GLIS1: variants seen among roughly 807,000 people sequenced by gnomAD.
The protein encoded by GLIS1 is GLIS family zinc finger 1, also known as zinc finger protein GLIS1.
In GLIS1, 24 loss-of-function variants were observed where a neutral mutation model predicts 63.8. That is an observed-to-expected ratio of 0.38 (90% CI 0.27 to 0.53). The LOEUF (loss-of-function observed/expected upper bound fraction) is 0.53, where lower values mean the gene tolerates loss of function less well. Among genes scored for constraint, GLIS1 ranks in the 20% least tolerant of loss-of-function variants. The probability of loss-of-function intolerance (pLI) is 0.85; values close to 1 mark genes in which losing one functional copy is unlikely to be tolerated. For synonymous variants in GLIS1, 450 were observed against 482.5 expected, an observed-to-expected ratio of 0.93 and a Z score of 0.88; for missense variants, 1,036 against 1,074.1, an observed-to-expected ratio of 0.96 and a Z score of 0.50.
intron 2 of GLIS1, among the ~76,000 whole-genome samples, chr1:53,623,674 C>T (rs114280219): frequency 0.019 from 2,938 of 152,150 alleles, 92 homozygotes; most frequent in African/African-American, 0.067. Flanking sequence ...AAATTAGACA[C>T]GTTGCAAGAT....
chr1:53,589,655 C>T (rs1378737826), intron 4 of GLIS1, among the ~76,000 whole-genome samples: 2 of 152,102 alleles, frequency 1.3e-5, no homozygotes, highest in Non-Finnish European at 2.9e-5. Flanking sequence ...TGGAGAGGGG[C>T]GTAAGGAATG....
chr1:53,640,243 C>T (rs1645771611), intron 2 of GLIS1, among the ~76,000 whole-genome samples: 1 of 152,134 alleles, frequency 6.6e-6, no homozygotes, highest in African/African-American at 2.4e-5. Flanking sequence ...CACTACCTTG[C>T]CTTCCGGAGG....
chr1:53,617,044 CT>C (rs1056911418), intron 2 of GLIS1, among the ~76,000 whole-genome samples: 1 of 152,048 alleles, frequency 6.6e-6, no homozygotes, highest in African/African-American at 2.4e-5. Context: ...CTCTGCCCTC[CT>C]CCAGAGGGCC....
intron 4 of GLIS1, among the ~76,000 whole-genome samples, chr1:53,573,692 T>C (rs1028794984): frequency 1.3e-5 from 2 of 152,152 alleles, no homozygotes; most frequent in African/African-American, 4.8e-5. Context: ...AGACGTGGTG[T>C]GAGGAGCACG....
Position 53,690,851 on chromosome 1 carries a change from C to T in GLIS1, c.259+46955G>A, listed in dbSNP as rs143516061. 3.3e-4 allele frequency among the ~76,000 whole-genome samples: 51 copies of T among 152,260 alleles called. No homozygotes were observed. The East Asian group carries it at 9.3e-3, about 28-fold the overall frequency. ...GGAATAATAAAAACCAGGTGCCACTCCAACCGCTTTGCATAAATCTAGACA... is the reference window on the plus strand; with the variant it reads ...GGAATAATAAAAACCAGGTGCCACTTCAACCGCTTTGCATAAATCTAGACA... On this transcript the variant is annotated intron_variant, in intron 2 of 10. Coordinates refer to ENST00000628545, the MANE Select transcript of GLIS1 (RefSeq NM_001367484.1).
At chr1:53,669,780 A>G (rs766207052) in intron 2 of GLIS1, among the ~76,000 whole-genome samples, 5 of 152,126 alleles carry the variant, frequency 3.3e-5, no homozygotes, top group Admixed American at 6.5e-5. Flanking sequence ...GACAGGTCCA[A>G]CCCTTTGCTG....
chr1:53,552,645 T>C (rs1392315891), intron 4 of GLIS1, among the ~76,000 whole-genome samples: 1 of 152,092 alleles, frequency 6.6e-6, no homozygotes, highest in Non-Finnish European at 1.5e-5. Context: ...CCCTCCACCA[T>C]CCATCCTCCC....
intron 2 of GLIS1, among the ~76,000 whole-genome samples, chr1:53,688,053 C>A (rs1294574466): frequency 1.7e-5 from 2 of 119,206 alleles, no homozygotes; most frequent in Non-Finnish European, 3.9e-5. Context: ...GCTGAGGAAC[C>A]GGGGCTGCCT....
At position 53,516,697 on chromosome 1, in the gene GLIS1, C is replaced by T. The variant is rs1644356321; in HGVS notation, c.1727-1916G>A. The stretch of plus-strand genomic sequence containing the variant: ...GCGTGGTGGCATGCACCTGTAATCC[C>T]AGCTACTTGGGAGGCTGAGGCAGGA... On this transcript the variant is annotated intron_variant, in intron 7 of 10. Transcript: ENST00000628545. 5.3e-5 allele frequency among the ~76,000 whole-genome samples: 8 copies of T among 152,124 alleles called. 1 individual carries two copies. In the South Asian group the frequency reaches 1.7e-3, roughly 32 times the overall value.
At chr1:53,692,199 G>C (rs1053852871) in intron 2 of GLIS1, among the ~76,000 whole-genome samples, 2 of 152,050 alleles carry the variant, frequency 1.3e-5, no homozygotes, top group African/African-American at 4.8e-5. Flanking sequence ...AACTACTATA[G>C]AACAATAAAG....
chr1:53,585,847 T>G (rs1422394216), intron 4 of GLIS1, among the ~76,000 whole-genome samples: 2 of 152,240 alleles, frequency 1.3e-5, no homozygotes, highest in Non-Finnish European at 2.9e-5. Context: ...CAGAGCACTC[T>G]GCAGGTACAG....
chr1:53,659,361 G>A (rs1329819001), intron 2 of GLIS1, among the ~76,000 whole-genome samples: 1 of 152,190 alleles, frequency 6.6e-6, no homozygotes, highest in Non-Finnish European at 1.5e-5. Flanking sequence ...GCTGCCTAGA[G>A]AGGTAGTGAG....
At chr1:53,643,548 C>T (rs904036927) in intron 2 of GLIS1, among the ~76,000 whole-genome samples, 1 of 152,144 alleles carries the variant, frequency 6.6e-6, no homozygotes, top group African/African-American at 2.4e-5. Flanking sequence ...GGGGAGGGAG[C>T]AAGGAGGCAG....
In GLIS1 at chr1:53,514,764, T is replaced by G. The variant is rs1313529098; in HGVS notation, c.1744A>C (p.Ile582Leu). Residue 582 changes from isoleucine to leucine, a missense_variant, in exon 8 of 11, where the codon ATC becomes CTC. Physicochemically the swap from Ile to Leu is conservative, Grantham distance 5. Around this residue, in one of 3 missense-constraint regions of GLIS1, gnomAD observed 400 missense variants for 400.9 expected, o/e 1.00. Transcript: ENST00000628545. The part of the protein sequence containing the change: ...ELLPGVYPGS[I>L]TPHNGLASGL... Reference sequence around the variant, plus strand: ...GATGCAAGTCCGTTATGGGGGGTGATGGAGCCAGGATACACACCTGCAGGG... The same window carrying G: ...GATGCAAGTCCGTTATGGGGGGTGAGGGAGCCAGGATACACACCTGCAGGG... The G allele has an allele frequency of 6.2e-7, 1 of 1,600,232 alleles. No individual in the cohort carries two copies. The highest frequency in any genetic ancestry group is 1.3e-5 in the African/African-American group (1 of 74,744).
intron 5 of GLIS1, among the ~76,000 whole-genome samples, chr1:53,525,723 G>A (rs1296074005): frequency 6.6e-6 from 1 of 151,656 alleles, no homozygotes; most frequent in Non-Finnish European, 1.5e-5. Context: ...TGGCTCCCTG[G>A]TGCCCTACAG....
chr1:53,636,267 C>CA (rs1236129639), intron 2 of GLIS1, among the ~76,000 whole-genome samples: 1 of 152,080 alleles, frequency 6.6e-6, no homozygotes, highest in African/African-American at 2.4e-5. Flanking sequence ...CAGGTATATC[C>CA]AAGGAACTCA....
intron 2 of GLIS1, among the ~76,000 whole-genome samples, chr1:53,702,929 C>T (rs760091368): frequency 2.0e-5 from 3 of 152,170 alleles, no homozygotes; most frequent in East Asian, 1.9e-4. Context: ...TTCTCCTGTC[C>T]CCCAAAAGGC....
rs747050302 is a variant in GLIS1, at chr1:53,594,380, G to A, written c.1048C>T (p.Pro350Ser). The A allele has an allele frequency of 6.2e-7, 1 of 1,611,646 alleles. No individual in the cohort carries two copies. Among genetic ancestry groups the A allele is most frequent in the South Asian group, 1.1e-5 (1 of 90,994 alleles). Residue 350 changes from proline to serine, a missense_variant, in exon 4 of 11, where the codon CCT becomes TCT. Physicochemically the swap from Pro to Ser is moderately conservative, Grantham distance 74. Transcript: ENST00000628545. Reference sequence around the variant, plus strand: ...CCCAGGCCTCCAAGGCTTGGGCCAGGCGGCAACTGAGACAGGGGATAGGGG... The same window carrying A: ...CCCAGGCCTCCAAGGCTTGGGCCAGACGGCAACTGAGACAGGGGATAGGGG... ...PPPYPLSQLPPGPSLGGLGLG... is the reference protein window; with the variant it reads ...PPPYPLSQLPSGPSLGGLGLG...
rs68190884 is a variant in GLIS1 at position 53,539,518 on chromosome 1, CCA to C, written c.1321-9568_1321-9567del. ...ACACCCCCAACATACACACACCACA[CCA>C]CACACACACATACCACACGGTATAC... is the stretch of plus-strand genomic sequence containing the variant. On this transcript the variant is annotated intron_variant, in intron 4 of 10. Transcript: ENST00000628545. The surrounding 1 kb of genome is among the most constrained non-coding windows in gnomAD (Gnocchi z 5.0). Among the ~76,000 whole-genome samples, 1 of 145,356 alleles carries C rather than the reference CCA, an allele frequency of 6.9e-6. No individual in the cohort carries two copies. Among genetic ancestry groups the C allele is most frequent in the Admixed American group, 6.8e-5 (1 of 14,630 alleles).
Sources: gnomAD v4.1 joint callset for allele counts (sites outside exome capture counted in the v4.1 genomes callset) on GRCh38, gnomAD v4.1.1 for gene constraint, gnomAD v4.1.1 regional missense constraint, Gnocchi (gnomAD v3.1) non-coding constraint, MANE v1.5 for transcripts, NCBI Gene and HGNC (gene_info 2026-07-23, HGNC 2026-07-21) for gene names.